The following ZNF516 variants were observed in gnomAD, a reference collection of about 807,000 sequenced individuals.
The protein encoded by ZNF516 is zinc finger protein 516.
A neutral mutation model predicts 79.7 loss-of-function variants in ZNF516; 19 were observed. That is an observed-to-expected ratio of 0.24 (90% CI 0.17 to 0.35). The LOEUF (loss-of-function observed/expected upper bound fraction) is 0.35. Among genes scored for constraint, ZNF516 ranks in the 10% least tolerant of loss-of-function variants. ZNF516 has a pLI of 1.00. For synonymous variants in ZNF516, 877 were observed against 739.5 expected (o/e 1.19, Z -3.02); for missense variants, 1,678 against 1,679.5 (o/e 1.00, Z 0.02).
At chr18:76,367,483 A>C (rs1406789682) in intron 6 of ZNF516, among the ~76,000 whole-genome samples, 1 of 152,164 alleles carries the variant, frequency 6.6e-6, no homozygotes, top group East Asian at 1.9e-4. Context: ...GGTGCTCTCT[A>C]GACCCCAGGC....
chr18:76,416,885 G>A (rs551584963), intron 3 of ZNF516, among the ~76,000 whole-genome samples: 34 of 151,910 alleles, frequency 2.2e-4, no homozygotes, highest in South Asian at 4.2e-4. Flanking sequence ...AGGGGGGAGG[G>A]ACTTTAATCT....
chr18:76,383,031 G>C (rs1334564304), intron 3 of ZNF516, among the ~76,000 whole-genome samples: 3 of 103,610 alleles, frequency 2.9e-5, no homozygotes, highest in African/African-American at 1.2e-4. Flanking sequence ...GCAAGACTCT[G>C]TCTCAAAAAA....
intron 3 of ZNF516, among the ~76,000 whole-genome samples, chr18:76,419,990 T>G (rs1400723063): frequency 1.3e-5 from 2 of 152,270 alleles, no homozygotes; most frequent in Non-Finnish European, 2.9e-5. Context: ...CCCTGGTATT[T>G]CTACTGACCT....
chr18:76,387,928 C>G (rs1186331076), intron 3 of ZNF516: 1 of 152,250 alleles, frequency 6.6e-6, no homozygotes, highest in East Asian at 1.9e-4. Flanking sequence ...ATCCTGTACC[C>G]GTAGAAACCC....
rs182327772 is a variant in ZNF516, at chr18:76,443,738, G to A, written c.-157-527C>T. On this transcript the variant is annotated intron_variant, in intron 2 of 6. Coordinates refer to ENST00000443185, the MANE Select transcript of ZNF516 (RefSeq NM_014643.4). The stretch of plus-strand genomic sequence containing the variant: ...CGAGCTGAGAAATGCATTGTTAGGC[G>A]ATTTCGTCCCTGTGCAGACATCCTA... Among the ~76,000 whole-genome samples, 213 of 152,326 alleles carry A rather than the reference G, an allele frequency of 1.4e-3. 2 individuals carry two copies. Among genetic ancestry groups the A allele is most frequent in the Non-Finnish European group, 5.1e-4 (35 of 68,034 alleles).
chr18:76,402,319 G>A (rs1459226597), intron 3 of ZNF516, among the ~76,000 whole-genome samples: 2 of 152,088 alleles, frequency 1.3e-5, no homozygotes, highest in African/African-American at 4.8e-5. Context: ...GTGCCCTCCC[G>A]TAACCTCCCA....
intron 3 of ZNF516, among the ~76,000 whole-genome samples, chr18:76,413,233 A>G (rs1358131674): frequency 6.6e-6 from 1 of 152,230 alleles, no homozygotes; most frequent in East Asian, 1.9e-4. Flanking sequence ...AAACCTTGCC[A>G]AAACAATAAA....
chr18:76,485,868 T>TAAAAA (rs36043507), intron 1 of ZNF516, among the ~76,000 whole-genome samples: 1 of 138,252 alleles, frequency 7.2e-6, no homozygotes, highest in Non-Finnish European at 1.6e-5. Context: ...CTCATTTCTT[T>TAAAAA]AAAAAAAAAA....
chr18:76,385,425 A>C (rs1187849188), intron 3 of ZNF516, among the ~76,000 whole-genome samples: 1 of 152,250 alleles, frequency 6.6e-6, no homozygotes, highest in Admixed American at 6.5e-5. Flanking sequence ...CGGTGAGGGC[A>C]CTTTGTATAA....
intron 2 of ZNF516, among the ~76,000 whole-genome samples, chr18:76,444,223 G>A (rs546501462): frequency 3.3e-4 from 50 of 152,308 alleles, no homozygotes; most frequent in African/African-American, 1.2e-3. Flanking sequence ...TCAGGTCAGC[G>A]TCTGAGTGTT....
At chr18:76,490,725 T>C (rs1368959209) in intron 1 of ZNF516, 6 of 975,226 alleles carry the variant, frequency 6.2e-6, no homozygotes, top group East Asian at 1.1e-4. Flanking sequence ...ACGGGGGCAA[T>C]GCCTTTCTGC....
In ZNF516 at chr18:76,360,632, T is replaced by TAAAAAAAAAAAAAAAAAA. The variant is rs776977927; in HGVS notation, c.*1865_*1866insTTTTTTTTTTTTTTTTTT. 1 of 25,718 alleles carries TAAAAAAAAAAAAAAAAAA rather than the reference T, an allele frequency of 3.9e-5. No individual in the cohort carries two copies. The highest frequency in any genetic ancestry group is 1.3e-4 in the African/African-American group (1 of 7,424). 1.6% of individuals were successfully genotyped at this position (25,718 alleles called of 1,614,324 possible). A position where few individuals can be genotyped will look rare whatever the true frequency, so the allele number is the denominator to read the frequency against. ...TGTAAGAATATCAGAAAAAAATAAG[T>TAAAAAAAAAAAAAAAAAA]AAAAAAAAAAAAAAATATATATATA... is the stretch of plus-strand genomic sequence containing the variant. On this transcript the variant is annotated 3_prime_UTR_variant, in exon 7 of 7. Coordinates refer to ENST00000443185, the MANE Select transcript of ZNF516 (RefSeq NM_014643.4).
intron 3 of ZNF516, among the ~76,000 whole-genome samples, chr18:76,406,415 T>G (rs563244102): frequency 1.3e-5 from 2 of 152,024 alleles, no homozygotes; most frequent in African/African-American, 4.8e-5. Context: ...AATACAAAAA[T>G]TAGCCGAGCA....
chr18:76,438,290 T>C (rs879745736), intron 3 of ZNF516, among the ~76,000 whole-genome samples: 4 of 152,256 alleles, frequency 2.6e-5, no homozygotes, highest in Non-Finnish European at 2.9e-5. Flanking sequence ...TGAAGGTTTG[T>C]ATGTCTCCTT....
intron 1 of ZNF516, chr18:76,492,066 G>C: frequency 1.3e-6 from 1 of 745,206 alleles, no homozygotes; most frequent in East Asian, 1.3e-4. Flanking sequence ...GCACACCCGC[G>C]CATGGACGAG....
In ZNF516 at chr18:76,408,213, G is replaced by A. The variant is rs59752658; in HGVS notation, c.1811-27910C>T. ...CCAGGAAAGTAGACCTTGCATGAAC[G>A]TTTTTAATCGCACGTCACTATGACC... On this transcript the variant is annotated intron_variant, in intron 3 of 6. Coordinates refer to ENST00000443185, the MANE Select transcript of ZNF516 (RefSeq NM_014643.4). Among the ~76,000 whole-genome samples the A allele has an allele frequency of 3.2e-4, 48 of 152,320 alleles. 1 individual carries two copies. The South Asian group carries it at 9.3e-3, about 30-fold the overall frequency.
At chr18:76,373,518 C>T (rs541568030) in intron 4 of ZNF516, among the ~76,000 whole-genome samples, 11 of 152,356 alleles carry the variant, frequency 7.2e-5, no homozygotes, top group African/African-American at 2.4e-4. Flanking sequence ...ACCACGCCTA[C>T]ACACAATACT....
intron 3 of ZNF516, among the ~76,000 whole-genome samples, chr18:76,413,114 C>T (rs916042348): frequency 6.6e-6 from 1 of 152,176 alleles, no homozygotes; most frequent in African/African-American, 2.4e-5. Flanking sequence ...GGAAACAGGA[C>T]GTACTGCTGA....
At chr18:76,399,383 A>G (rs1216644809) in intron 3 of ZNF516, among the ~76,000 whole-genome samples, 1 of 152,242 alleles carries the variant, frequency 6.6e-6, no homozygotes, top group Non-Finnish European at 1.5e-5. Flanking sequence ...CTTTAAATTA[A>G]TAATATATTT....
Sources: allele counts gnomAD v4.1 joint callset (sites outside exome capture counted in the v4.1 genomes callset), GRCh38; gene constraint gnomAD v4.1.1; transcripts MANE v1.5; gene names NCBI Gene and HGNC (gene_info 2026-07-23, HGNC 2026-07-21).